The following CSMD3 variants were observed in gnomAD, a reference collection of about 807,000 sequenced individuals.
CSMD3 encodes the protein CUB and Sushi multiple domains 3.
Under a neutral mutation model 435.2 loss-of-function variants are expected in CSMD3, and 177 were observed. The observed-to-expected ratio is 0.41, with a 90% CI of 0.36 to 0.46. CSMD3 has a LOEUF of 0.46. Ranked by LOEUF, CSMD3 falls within the 20% of genes least tolerant of loss-of-function variation. The pLI, the probability that CSMD3 is intolerant of heterozygous loss-of-function variation, is 0.34. For missense variants in CSMD3, 4,265 were observed against 4,504.6 expected, an observed-to-expected ratio of 0.95 and a Z score of 1.52; for synonymous variants, 1,656 against 1,520.5, an observed-to-expected ratio of 1.09 and a Z score of -2.07.
At chr8:113,091,032 G>C (rs2089985057) in intron 5 of CSMD3, among the ~76,000 whole-genome samples, 2 of 151,928 alleles carry the variant, frequency 1.3e-5, no homozygotes, top group Admixed American at 1.3e-4. Flanking sequence ...ACTTAAATGA[G>C]ATATATCTAT....
chr8:112,342,204 G>A (rs758031307), intron 41 of CSMD3, among the ~76,000 whole-genome samples: 1 of 152,020 alleles, frequency 6.6e-6, no homozygotes, highest in Non-Finnish European at 1.5e-5. Flanking sequence ...CTCTTTCAGT[G>A]TTTTGCTTAT....
intron 3 of CSMD3, among the ~76,000 whole-genome samples, chr8:113,251,832 T>C (rs1160993692): frequency 6.6e-6 from 1 of 152,060 alleles, no homozygotes; most frequent in Non-Finnish European, 1.5e-5. Context: ...TCTGATTCAC[T>C]TGACAGAGTT....
intron 59 of CSMD3, among the ~76,000 whole-genome samples, chr8:112,277,398 TC>T (rs1818173053): frequency 6.6e-6 from 1 of 152,152 alleles, no homozygotes; most frequent in Admixed American, 6.5e-5. Context: ...AACAAGTTCC[TC>T]ATCTCCATCT....
At chr8:112,340,412 A>G (rs181829712) in intron 42 of CSMD3, among the ~76,000 whole-genome samples, 59 of 152,312 alleles carry the variant, frequency 3.9e-4, no homozygotes, top group Non-Finnish European at 5.9e-5. Context: ...TTGATGTTTA[A>G]GACCTATCTC....
At chr8:112,571,748 A>G (rs1334776127) in intron 24 of CSMD3, among the ~76,000 whole-genome samples, 1 of 151,930 alleles carries the variant, frequency 6.6e-6, no homozygotes, top group Non-Finnish European at 1.5e-5. Context: ...GGGTGCCTGT[A>G]ATCCCAGCTA....
chr8:112,448,670 T>C (rs1815904403), intron 32 of CSMD3, among the ~76,000 whole-genome samples: 3 of 151,870 alleles, frequency 2.0e-5, no homozygotes, highest in Non-Finnish European at 4.4e-5. Context: ...CATTTCTGTG[T>C]TAAGTTGCCC....
chr8:112,320,834 G>A (rs1822928731), intron 45 of CSMD3, among the ~76,000 whole-genome samples: 1 of 152,094 alleles, frequency 6.6e-6, no homozygotes, highest in Non-Finnish European at 1.5e-5. Context: ...AACCTAGATA[G>A]CCTGGCTCCA....
At position 112,556,918 on chromosome 8, in the gene CSMD3, G is replaced by A. The variant is rs761463897; in HGVS notation, c.4079C>T (p.Pro1360Leu). Residue 1360 changes from proline to leucine, a missense_variant, in exon 25 of 71, where the codon CCA becomes CTA. Transcript: ENST00000297405. ...ELSHCEDPGI[P>L]QFGYKISDQG... ...GTCACTGATCTTGTATCCAAATTGT[G>A]GAATGCCAGGATCTTCACAGTGTGA... 2 of 1,611,998 alleles carry A rather than the reference G, an allele frequency of 1.2e-6. No individual in the cohort carries two copies. The highest frequency in any genetic ancestry group is 2.2e-5 in the South Asian group (2 of 91,032).
At chr8:113,245,644 TCAGA>T (rs1352899933) in intron 3 of CSMD3, among the ~76,000 whole-genome samples, 1 of 152,066 alleles carries the variant, frequency 6.6e-6, no homozygotes, top group Non-Finnish European at 1.5e-5. Context: ...GTTTTTAAAA[TCAGA>T]CAGAATATTT....
In CSMD3 at chr8:113,043,887, T is replaced by C. The variant is rs558177930; in HGVS notation, c.918-24708A>G. 2.6e-5 allele frequency among the ~76,000 whole-genome samples: 4 copies of C among 152,140 alleles called. No homozygotes were observed. The South Asian group carries it at 8.3e-4, about 31-fold the overall frequency. ...AGACAAATATGATTTTATAAGCACA[T>C]ACATGAGAAATCTCAAGAAAGAAAC... On this transcript the variant is annotated intron_variant, in intron 5 of 70. Coordinates refer to ENST00000297405, the MANE Select transcript of CSMD3 (RefSeq NM_198123.2).
chr8:113,214,201 T>C (rs1056998142), intron 3 of CSMD3, among the ~76,000 whole-genome samples: 3 of 152,040 alleles, frequency 2.0e-5, no homozygotes, highest in Admixed American at 6.6e-5. Context: ...TATGTCATTG[T>C]GTATATTTAA....
chr8:112,828,457 GCT>G (rs1222361290), intron 12 of CSMD3, among the ~76,000 whole-genome samples: 5 of 151,068 alleles, frequency 3.3e-5, no homozygotes, highest in African/African-American at 4.9e-5. Context: ...TTCCCCCTTT[GCT>G]CTCTCTCTCT....
At chr8:112,248,091 G>A (rs568948220) in intron 63 of CSMD3, among the ~76,000 whole-genome samples, 1 of 152,018 alleles carries the variant, frequency 6.6e-6, no homozygotes, top group South Asian at 2.1e-4. Context: ...TTTAATTCTG[G>A]ATCTCACTTT....
rs1275944561 is a variant in CSMD3, at chr8:112,231,569, C to T, written c.10804G>A (p.Gly3602Arg). ...FQGFIQGKDYGQFGLQRLGLN... is the reference protein window; with the variant it reads ...FQGFIQGKDYRQFGLQRLGLN... ...CCCAGTCTTTGTAGGCCAAATTGTC[C>T]ATAATCTTTGCCTTGAATAAATCCT... is the stretch of plus-strand genomic sequence containing the variant. The change falls in exon 69 of 71, where the codon GGA becomes AGA. Residue 3602 changes from glycine (G) to arginine (R), a missense_variant. Gly to Arg is a moderately radical substitution (Grantham distance 125). Around this residue, in one of 3 missense-constraint regions of CSMD3, gnomAD observed 3,255 missense variants for 3,380.2 expected, o/e 0.96. Transcript: ENST00000297405. The T allele has an allele frequency of 8.1e-6, 13 of 1,610,206 alleles. No individual in the cohort carries two copies. Among genetic ancestry groups the T allele is most frequent in the Non-Finnish European group, 1.1e-5 (13 of 1,176,816 alleles).
chr8:113,128,448 AG>A (rs2091198708), intron 4 of CSMD3, among the ~76,000 whole-genome samples: 1 of 152,052 alleles, frequency 6.6e-6, no homozygotes. Flanking sequence ...AAATAGAGAT[AG>A]AAAATAAAAT....
intron 32 of CSMD3, among the ~76,000 whole-genome samples, chr8:112,429,694 C>T (rs1326014079): frequency 5.3e-5 from 8 of 151,976 alleles, no homozygotes; most frequent in African/African-American, 9.7e-5. Context: ...CTGTGTGACA[C>T]ATAGCCTAAA....
intron 10 of CSMD3, among the ~76,000 whole-genome samples, chr8:112,859,980 C>G (rs1323661000): frequency 6.6e-6 from 1 of 151,746 alleles, no homozygotes; most frequent in Non-Finnish European, 1.5e-5. Context: ...TTATCATTTT[C>G]TAATCTGTCA....
chr8:113,111,987 C>T (rs969659539), intron 4 of CSMD3, among the ~76,000 whole-genome samples: 1 of 151,602 alleles, frequency 6.6e-6, no homozygotes, highest in Non-Finnish European at 1.5e-5. Context: ...GGCTGTGTTG[C>T]TCTTTTTAAA....
At chr8:112,370,237 T>C (rs959298005) in intron 38 of CSMD3, among the ~76,000 whole-genome samples, 1 of 152,116 alleles carries the variant, frequency 6.6e-6, no homozygotes, top group Non-Finnish European at 1.5e-5. Context: ...ATTGAGGACA[T>C]AAAAACAGCA....
Sources: gnomAD v4.1 joint callset for allele counts (sites outside exome capture counted in the v4.1 genomes callset) on GRCh38, gnomAD v4.1.1 for gene constraint, gnomAD v4.1.1 regional missense constraint, MANE v1.5 for transcripts, NCBI Gene and HGNC (gene_info 2026-07-23, HGNC 2026-07-21) for gene names.